The following VIRMA variants were observed in gnomAD, a reference collection of about 807,000 sequenced individuals.
VIRMA encodes the protein protein virilizer homolog.
VIRMA carries 65 observed loss-of-function variants against 182.4 expected under a neutral mutation model. That is an observed-to-expected ratio of 0.36 (90% confidence interval 0.29 to 0.44). The LOEUF (loss-of-function observed/expected upper bound fraction) is 0.44. Among genes scored for constraint, VIRMA ranks in the 20% least tolerant of loss-of-function variants. The pLI is 1.00. For missense variants in VIRMA, 1,752 were observed against 2,158.1 expected (o/e 0.81, Z 3.73); for synonymous variants, 709 against 743.1 (o/e 0.95, Z 0.75).
rs768402029 is a variant in VIRMA at position 94,512,131 on chromosome 8, C to A, written c.2752-42G>T. On this transcript the variant is annotated intron_variant, in intron 11 of 23. Coordinates refer to ENST00000297591, the MANE Select transcript of VIRMA (RefSeq NM_015496.5). ...GAACAGAATATTTCGTTTCTTAGTA[C>A]CCATGAGATCAACAGAAAATTCCAG... 4 of 992,554 alleles carry A rather than the reference C, an allele frequency of 4.0e-6. No individual in the cohort carries two copies. In the East Asian group the frequency reaches 1.2e-4, roughly 30 times the overall value. The allele number at this position is 992,554 out of a possible 1,614,324, so 61.5% of individuals were successfully genotyped here. A position where few individuals can be genotyped will look rare whatever the true frequency, so the allele number is the denominator to read the frequency against.
At chr8:94,496,019 T>C in intron 18 of VIRMA, 128 bp from the exon 19 acceptor site, 4 of 780,344 alleles carry the variant, frequency 5.1e-6, no homozygotes, top group Non-Finnish European at 7.9e-6. Context: ...CAGAAATTAT[T>C]AACATTAAAC....
chr8:94,496,319 CT>C lies in VIRMA; in HGVS notation c.4383+8del, dbSNP rs781768757. On this transcript the variant is annotated splice_region_variant and intron_variant, in intron 18 of 23. Coordinates refer to ENST00000297591, the MANE Select transcript of VIRMA (RefSeq NM_015496.5). ...GGCCTTAAGAACGCTCTGTTTTTTT[CT>C]TTTTTACCAAAACAAGCTTCTCTAG... 2.1e-5 allele frequency: 34 copies of C among 1,600,188 alleles called. No homozygotes were observed. The highest frequency in any genetic ancestry group is 2.9e-5 in the Non-Finnish European group (34 of 1,176,192).
chr8:94,536,775 C>G (rs529805957), intron 4 of VIRMA, among the ~76,000 whole-genome samples: 1 of 152,144 alleles, frequency 6.6e-6, no homozygotes, highest in Non-Finnish European at 1.5e-5. Flanking sequence ...GTCAGGAGAT[C>G]AAGACCATCC....
chr8:94,500,505 T>G (rs1813932301), intron 16 of VIRMA, among the ~76,000 whole-genome samples: 1 of 152,226 alleles, frequency 6.6e-6, no homozygotes, highest in Non-Finnish European at 1.5e-5. Flanking sequence ...TTCCGTGGTC[T>G]ATCAAAAGCT....
At chr8:94,493,362 A>G (rs545804547) in intron 20 of VIRMA, among the ~76,000 whole-genome samples, 1 of 152,368 alleles carries the variant, frequency 6.6e-6, no homozygotes, top group Admixed American at 6.5e-5. Flanking sequence ...GGTTACAATT[A>G]TCATCACAAG....
intron 16 of VIRMA, among the ~76,000 whole-genome samples, chr8:94,503,617 C>T (rs1814063688): frequency 1.3e-5 from 2 of 151,978 alleles, no homozygotes. Context: ...ATAGAAAATT[C>T]AAATAAAATC....
In VIRMA at chr8:94,509,876, C is replaced by A. The variant is rs144412105; in HGVS notation, c.3691G>T (p.Ala1231Ser). 1 of 1,613,730 alleles carries A rather than the reference C, an allele frequency of 6.2e-7. No homozygotes were observed. Among genetic ancestry groups the A allele is most frequent in the African/African-American group, 1.3e-5 (1 of 74,924 alleles). ...TTACAAGCTTTGTGTGAAGCCAGAG[C>A]ATCAAGAAGAGCAAGCAACCTGGTG... is the stretch of plus-strand genomic sequence containing the variant. ...QTTRLLALLD[A>S]LASHKACKLA... Residue 1231 changes from alanine (A) to serine (S), a missense_variant, in exon 15 of 24, where the codon GCT (alanine) becomes TCT (serine). This residue lies in a region of VIRMA where 777 missense variants were observed against 920.6 expected (regional missense o/e 0.84). Transcript: ENST00000297591.
At chr8:94,532,565 G>A (rs181352374) in intron 5 of VIRMA, among the ~76,000 whole-genome samples, 48 of 152,260 alleles carry the variant, frequency 3.2e-4, no homozygotes, top group South Asian at 1.2e-3. Flanking sequence ...TTTTGATATT[G>A]TACTATATTT....
At chr8:94,546,263 C>T (rs1021909966) in intron 1 of VIRMA, among the ~76,000 whole-genome samples, 1 of 150,930 alleles carries the variant, frequency 6.6e-6, no homozygotes, top group African/African-American at 2.5e-5. Context: ...CTACTATATC[C>T]AACTGCCCAC....
intron 5 of VIRMA, 22 bp downstream of exon 5, chr8:94,534,817 A>G (rs996977780): frequency 2.5e-6 from 4 of 1,610,618 alleles, no homozygotes; most frequent in Admixed American, 1.7e-5. Flanking sequence ...TTCACTTGCA[A>G]AAGCAAATTT....
intron 15 of VIRMA, among the ~76,000 whole-genome samples, 158 bp from the exon 16 acceptor site, chr8:94,506,875 G>T (rs113298608): frequency 2.0e-5 from 3 of 152,168 alleles, no homozygotes; most frequent in African/African-American, 7.2e-5. Context: ...TAAGAATAAT[G>T]AAATTACTTT....
In VIRMA at chr8:94,499,416, T is replaced by C; in HGVS notation, c.4188A>G (p.Ser1396=). ...FSKDTGELAS[S]FLEFMRQILN... ...GAATTTGTCTCATAAATTCTAAAAA[T>C]GAAGATGCAAGCTCTCCTGTGTCCT... The change falls in exon 17 of 24, where the codon TCA becomes TCG. Residue 1396 remains serine, a synonymous_variant. Transcript: ENST00000297591. 3.7e-6 allele frequency: 6 copies of C among 1,602,478 alleles called. No individual in the cohort carries two copies. Among genetic ancestry groups the C allele is most frequent in the Non-Finnish European group, 5.1e-6 (6 of 1,174,850 alleles).
chr8:94,518,205 T>C (rs905371690), intron 9 of VIRMA, among the ~76,000 whole-genome samples: 3 of 152,176 alleles, frequency 2.0e-5, no homozygotes, highest in African/African-American at 4.8e-5. Flanking sequence ...AGAAAAACAA[T>C]GAAATATTAA....
chr8:94,500,655 C>CTTTTTTTT (rs11312961), intron 16 of VIRMA, among the ~76,000 whole-genome samples: 1 of 126,716 alleles, frequency 7.9e-6, no homozygotes, highest in Non-Finnish European at 1.7e-5. Context: ...TCGGTAGTTT[C>CTTTTTTTT]TTTTTTTTTT....
intron 2 of VIRMA, among the ~76,000 whole-genome samples, chr8:94,540,961 C>T (rs904069939): frequency 2.6e-5 from 4 of 151,834 alleles, no homozygotes; most frequent in African/African-American, 4.8e-5. Flanking sequence ...AAAAACCTAA[C>T]CTCACATAAG....
chr8:94,506,631 C>A lies in VIRMA; in HGVS notation c.3966G>T (p.Leu1322Phe), dbSNP rs774684642. 6.2e-7 allele frequency: 1 copy of A among 1,613,696 alleles called. No homozygotes were observed. The part of the protein sequence containing the change: ...QLSNSLPNKE[L>F]MTSICDCLLA... ...ACAGACAGTCACAGATTGAGGTCAT[C>A]AATTCTTTATTTGGTAGAGAATTGG... The change falls in exon 16 of 24, where the codon TTG (leucine) becomes TTT (phenylalanine). Residue 1322 changes from leucine (L) to phenylalanine (F), a missense_variant. By Grantham distance (22) the Leu-to-Phe change is conservative. Coordinates refer to ENST00000297591, the MANE Select transcript of VIRMA (RefSeq NM_015496.5).
At chr8:94,528,269 T>C (rs992847867) in intron 7 of VIRMA, among the ~76,000 whole-genome samples, 12 of 150,212 alleles carry the variant, frequency 8.0e-5, no homozygotes, top group Non-Finnish European at 1.8e-4. Flanking sequence ...AAAAGAAAAC[T>C]GCCTGCCTAA....
chr8:94,530,736 A>AC (rs1815144079), intron 6 of VIRMA, among the ~76,000 whole-genome samples: 1 of 151,908 alleles, frequency 6.6e-6, no homozygotes, highest in South Asian at 2.1e-4. Context: ...AAATAGTGAG[A>AC]CCCCATCTCT....
chr8:94,514,134 C>T (rs984329402), intron 11 of VIRMA, among the ~76,000 whole-genome samples: 1 of 152,132 alleles, frequency 6.6e-6, no homozygotes, highest in Non-Finnish European at 1.5e-5. Context: ...CGTGTGCGCA[C>T]ACACTCACGC....
Sources: allele counts gnomAD v4.1 joint callset (sites outside exome capture counted in the v4.1 genomes callset), GRCh38; gene constraint gnomAD v4.1.1; regional missense constraint gnomAD v4.1.1; transcripts MANE v1.5; gene names NCBI Gene and HGNC (gene_info 2026-07-23, HGNC 2026-07-21).